IFT172: variants seen among roughly 807,000 people sequenced by gnomAD.
IFT172 encodes intraflagellar transport protein 172 homolog.
A neutral mutation model predicts 248.9 loss-of-function variants in IFT172; 164 were observed. The ratio of observed to expected loss-of-function variants is 0.66; its 90% CI spans 0.58 to 0.75. The LOEUF is 0.75. Ranked by LOEUF, IFT172 falls within the 30% of genes least tolerant of loss-of-function variation. IFT172 has a pLI of 0.00. For synonymous variants in IFT172, 729 were observed against 791.6 expected (o/e 0.92, Z 1.33); for missense variants, 1,950 against 2,192.4 (o/e 0.89, Z 2.21).
At position 27,462,756 on chromosome 2, in the gene IFT172, C is replaced by A. The variant is rs145601549; in HGVS notation, c.2060G>T (p.Arg687Leu). The A allele has an allele frequency of 1.9e-6, 3 of 1,614,062 alleles. No individual in the cohort carries two copies. In the Admixed American group the frequency reaches 5.0e-5, roughly 27 times the overall value. The stretch of plus-strand genomic sequence containing the variant: ...GTAGTTCTTTTCCAGCATGGCTAGA[C>A]GTGCTCGGACCTGATAAAAGTCTGT... ...EGTDFYQVRA[R>L]LAMLEKNYKL... Residue 687 changes from arginine (R) to leucine (L), a missense_variant, in exon 20 of 48, where the codon CGT becomes CTT. By Grantham distance (102) the Arg-to-Leu change is moderately radical. Transcript: ENST00000260570.
At chr2:27,466,508 A>T (rs1667094284) in intron 16 of IFT172, among the ~76,000 whole-genome samples, 1 of 152,198 alleles carries the variant, frequency 6.6e-6, no homozygotes, top group Admixed American at 6.5e-5. Context: ...ACAGATCATT[A>T]ATATGCCTGA....
At chr2:27,453,571 G>C in intron 34 of IFT172, 58 bp from the exon 35 acceptor site, 1 of 1,609,228 alleles carries the variant, frequency 6.2e-7, no homozygotes, top group Admixed American at 1.7e-5. Flanking sequence ...GCTCTATCCT[G>C]TGTATGCCTC....
intron 18 of IFT172, among the ~76,000 whole-genome samples, chr2:27,463,673 A>G (rs1342125886): frequency 6.6e-6 from 1 of 152,086 alleles, no homozygotes; most frequent in Non-Finnish European, 1.5e-5. Flanking sequence ...TGAAGGGGCC[A>G]CTTAAGTTGG....
At position 27,459,413 on chromosome 2, in the gene IFT172, C is replaced by T. The variant is rs756120365; in HGVS notation, c.2752G>A (p.Val918Met). ...RNTASKYYPLVAQHYASLQEY... is the reference protein window; with the variant it reads ...RNTASKYYPLMAQHYASLQEY... ...TGCAGGGATGCATAGTGTTGGGCCA[C>T]GAGAGGATAGTATTTGGATGCAGTG... Residue 918 changes from valine (V) to methionine (M), a missense_variant, in exon 25 of 48, where the codon GTG becomes ATG. Physicochemically the swap from Val to Met is conservative, Grantham distance 21. Transcript: ENST00000260570. 7.4e-6 allele frequency: 12 copies of T among 1,613,990 alleles called. No homozygotes were observed. The highest frequency in any genetic ancestry group is 1.7e-5 in the Admixed American group (1 of 59,990).
chr2:27,444,951 G>GTT lies in IFT172; in HGVS notation c.5160+61_5160+62dup. ...GGTATGAGCCACTGCACCCAGACTT[G>GTT]TTTTTTTTTCTTTTTTTAGTGCTGC... On this transcript the variant is annotated intron_variant, in intron 47 of 47. Transcript: ENST00000260570. 29 of 1,513,112 alleles carry GTT rather than the reference G, an allele frequency of 1.9e-5. No individual in the cohort carries two copies. In the African/African-American group the frequency reaches 3.2e-4, roughly 17 times the overall value. The allele number at this position is 1,513,112 out of a possible 1,614,324, so 93.7% of individuals were successfully genotyped here.
intron 13 of IFT172, 63 bp from the exon 14 acceptor site, chr2:27,476,789 C>T: frequency 2.2e-6 from 2 of 897,982 alleles, no homozygotes; most frequent in Non-Finnish European, 1.9e-6. Flanking sequence ...TTATTAAAGG[C>T]TCTGAAGTAC....
chr2:27,457,735 T>C lies in IFT172; in HGVS notation c.3132A>G (p.Arg1044=), dbSNP rs1572750130. 6.2e-7 allele frequency: 1 copy of C among 1,614,134 alleles called. No homozygotes were observed. The highest frequency in any genetic ancestry group is 8.5e-7 in the Non-Finnish European group (1 of 1,180,028). The change falls in exon 29 of 48, where the codon CGA becomes CGG. Residue 1044 remains arginine (R), a synonymous_variant. Transcript: ENST00000260570. ...HLGKELEAEG[R]LQEAEYHYLE... is the part of the protein sequence containing the mutation. ...GGTAGTGGTACTCAGCCTCCTGTAGTCGGCCTTCAGCCTCCAGCTCCTGCA... is the reference window on the plus strand; with the variant it reads ...GGTAGTGGTACTCAGCCTCCTGTAGCCGGCCTTCAGCCTCCAGCTCCTGCA...
In IFT172 at chr2:27,447,583, ACTC is replaced by A. The variant is rs1399222387; in HGVS notation, c.4588_4590del (p.Glu1530del). 2 of 1,613,610 alleles carry A rather than the reference ACTC, an allele frequency of 1.2e-6. No individual in the cohort carries two copies. The highest frequency in any genetic ancestry group is 1.3e-5 in the African/African-American group (1 of 74,766). On this transcript the variant is annotated inframe_deletion, in exon 42 of 48. Coordinates refer to ENST00000260570, the MANE Select transcript of IFT172 (RefSeq NM_015662.3). ...TGAGCGATCAGCAGCATCGTCTTGA[ACTC>A]CTCATGGGCTGGAGAGTTTGCCTCA...
intron 7 of IFT172, among the ~76,000 whole-genome samples, chr2:27,482,335 G>A (rs1490631379): frequency 6.7e-6 from 1 of 150,128 alleles, no homozygotes; most frequent in African/African-American, 2.5e-5. Context: ...TTGTTGCCCA[G>A]TCTGGAGTTC....
chr2:27,461,598 A>G, intron 21 of IFT172, 81 bp from the exon 22 acceptor site: 2 of 1,545,086 alleles, frequency 1.3e-6, no homozygotes, highest in Non-Finnish European at 1.8e-6. Context: ...ATCCCTCTAT[A>G]ACAAGGGGAA....
chr2:27,456,737 T>G (rs1666195201), intron 29 of IFT172, 84 bp from the exon 30 acceptor site: 2 of 1,541,146 alleles, frequency 1.3e-6, no homozygotes, highest in Admixed American at 1.9e-5. Flanking sequence ...AAGGATCCAG[T>G]AACTGTTCTA....
chr2:27,454,542 G>A lies in IFT172; in HGVS notation c.3465+25C>T, dbSNP rs377208936. ...GGGGATGGAATAAGAGGGCTCTGCG[G>A]TCGGGGTCCAAATCACACCCATACC... is the stretch of plus-strand genomic sequence containing the variant. On this transcript the variant is annotated intron_variant, in intron 31 of 47. Coordinates refer to ENST00000260570, the MANE Select transcript of IFT172 (RefSeq NM_015662.3). The surrounding 1 kb of genome is among the most constrained non-coding windows in gnomAD (Gnocchi z 4.2). The A allele has an allele frequency of 6.2e-7, 1 of 1,612,612 alleles. No individual in the cohort carries two copies. The highest frequency in any genetic ancestry group is 8.5e-7 in the Non-Finnish European group (1 of 1,178,678).
At chr2:27,474,131 A>G (rs1263068642) in intron 14 of IFT172, among the ~76,000 whole-genome samples, 2 of 152,188 alleles carry the variant, frequency 1.3e-5, no homozygotes, top group African/African-American at 4.8e-5. Flanking sequence ...TTTTACATAC[A>G]TTGAAAATGA....
At chr2:27,461,907 C>A in intron 20 of IFT172, 71 bp from the exon 21 acceptor site, 1 of 1,565,496 alleles carries the variant, frequency 6.4e-7, no homozygotes, top group Non-Finnish European at 8.8e-7. Context: ...AAGCTCTCCT[C>A]AGCCTGGCTA....
chr2:27,473,775 G>A (rs1021068927), intron 14 of IFT172, among the ~76,000 whole-genome samples: 5 of 152,024 alleles, frequency 3.3e-5, no homozygotes, highest in African/African-American at 1.2e-4. Context: ...AGGGTTGATA[G>A]CCCAAAAAAG....
intron 23 of IFT172, among the ~76,000 whole-genome samples, chr2:27,460,236 C>A (rs1239540931): frequency 6.9e-6 from 1 of 144,626 alleles, no homozygotes; most frequent in African/African-American, 2.7e-5. Context: ...GTCATCACCA[C>A]TCCCTAATCT....
chr2:27,470,484 C>T (rs1056616418), intron 16 of IFT172, among the ~76,000 whole-genome samples: 4 of 152,194 alleles, frequency 2.6e-5, no homozygotes, highest in African/African-American at 7.2e-5. Context: ...GCCTGCCTCT[C>T]GTTTTCTCTG....
chr2:27,484,117 G>A, intron 4 of IFT172, 110 bp downstream of exon 4: 2 of 1,484,570 alleles, frequency 1.3e-6, no homozygotes, highest in Non-Finnish European at 9.4e-7. Context: ...CTTGCAGTAG[G>A]AAAAGTCACA....
At chr2:27,488,937 G>A (rs1668961131) in intron 1 of IFT172, among the ~76,000 whole-genome samples, 1 of 152,250 alleles carries the variant, frequency 6.6e-6, no homozygotes. Flanking sequence ...AGCTACTTGG[G>A]AGGCTATGGC....
Sources: allele counts gnomAD v4.1 joint callset (sites outside exome capture counted in the v4.1 genomes callset), GRCh38; gene constraint gnomAD v4.1.1; non-coding constraint Gnocchi (gnomAD v3.1); transcripts MANE v1.5; gene names NCBI Gene and HGNC (gene_info 2026-07-23, HGNC 2026-07-21).